ANLN: variants seen among roughly 807,000 people sequenced by gnomAD.
ANLN encodes anillin.
ANLN carries 59 observed loss-of-function variants against 135.1 expected under a neutral mutation model. The observed-to-expected ratio is 0.44, with a 90% CI of 0.35 to 0.54. The LOEUF (loss-of-function observed/expected upper bound fraction) is 0.54, where lower values mean the gene tolerates loss of function less well. Among genes scored for constraint, ANLN ranks in the 20% least tolerant of loss-of-function variants. ANLN has a pLI of 0.00. For missense variants in ANLN, 1,182 were observed against 1,340.0 expected (o/e 0.88, Z 1.84); for synonymous variants, 406 against 456.4 (o/e 0.89, Z 1.41).
intron 20 of ANLN, among the ~76,000 whole-genome samples, chr7:36,437,588 C>T (rs988560373): frequency 1.3e-5 from 2 of 151,760 alleles, no homozygotes; most frequent in Admixed American, 1.3e-4. Flanking sequence ...TTTATTTTTT[C>T]ATTTTTTTTT....
chr7:36,406,834 C>T (rs1787212674), intron 4 of ANLN, among the ~76,000 whole-genome samples: 1 of 152,136 alleles, frequency 6.6e-6, no homozygotes, highest in Admixed American at 6.5e-5. Flanking sequence ...GATAGAGCCT[C>T]TTCTTAGTCA....
intron 9 of ANLN, among the ~76,000 whole-genome samples, chr7:36,418,935 T>G (rs767481169): frequency 1.3e-5 from 2 of 152,034 alleles, no homozygotes; most frequent in African/African-American, 2.4e-5. Flanking sequence ...TTTTGTATTT[T>G]TAGTAGAGAC....
At chr7:36,404,966 C>T (rs1386971673) in intron 3 of ANLN, among the ~76,000 whole-genome samples, 4 of 152,270 alleles carry the variant, frequency 2.6e-5, no homozygotes, top group East Asian at 3.9e-4. Flanking sequence ...TTTTAGACAA[C>T]AGTTGACTGC....
At chr7:36,445,497 G>T (rs1788959763) in intron 22 of ANLN, among the ~76,000 whole-genome samples, 1 of 151,994 alleles carries the variant, frequency 6.6e-6, no homozygotes, top group South Asian at 2.1e-4. Context: ...TGTCTGGGGT[G>T]GTATGTGTAG....
intron 1 of ANLN, among the ~76,000 whole-genome samples, chr7:36,396,042 T>TA (rs1384595502): frequency 6.6e-6 from 1 of 152,228 alleles, no homozygotes; most frequent in Admixed American, 6.5e-5. Flanking sequence ...TTAAAAATCT[T>TA]ATATAACTAA....
At chr7:36,432,132 G>A (rs911225644) in intron 20 of ANLN, among the ~76,000 whole-genome samples, 3 of 152,190 alleles carry the variant, frequency 2.0e-5, no homozygotes, top group South Asian at 2.1e-4. Flanking sequence ...TGAGATGGGG[G>A]AATTGCTTGA....
At chr7:36,419,521 C>T in intron 10 of ANLN, 42 bp downstream of exon 10, 1 of 1,525,642 alleles carries the variant, frequency 6.6e-7, no homozygotes, top group Non-Finnish European at 9.0e-7. Context: ...CATAAGTAAA[C>T]TAAGTAGTAT....
At position 36,424,571 on chromosome 7, in the gene ANLN, T is replaced by G; in HGVS notation, c.2630T>G (p.Ile877Arg). The G allele has an allele frequency of 2.5e-6, 4 of 1,600,184 alleles. No homozygotes were observed. The highest frequency in any genetic ancestry group is 3.4e-6 in the Non-Finnish European group (4 of 1,172,330). ...TLQDVSNDFE[I>R]NIEVYSLVQK... Reference sequence around the variant, plus strand: ...CAAGATGTATCCAATGACTTTGAAATAAATATTGAAGTTTACAGCTTGGTA... The same window carrying G: ...CAAGATGTATCCAATGACTTTGAAAGAAATATTGAAGTTTACAGCTTGGTA... The change falls in exon 16 of 24, where the codon ATA becomes AGA. Residue 877 changes from isoleucine to arginine, a missense_variant. Ile to Arg is a moderately conservative substitution (Grantham distance 97, BLOSUM62 -3). Coordinates refer to ENST00000265748, the MANE Select transcript of ANLN (RefSeq NM_018685.5).
chr7:36,407,935 A>G lies in ANLN; in HGVS notation c.1075A>G (p.Lys359Glu). The change falls in exon 5 of 24, where the codon AAA (lysine) becomes GAA (glutamate). Residue 359 changes from lysine to glutamate, a missense_variant. Physicochemically the swap from Lys to Glu is moderately conservative, Grantham distance 56 (BLOSUM62 1). This residue lies in a region of ANLN where 1,022 missense variants were observed against 1,134.0 expected (regional missense o/e 0.90). Coordinates refer to ENST00000265748, the MANE Select transcript of ANLN (RefSeq NM_018685.5). Reference sequence around the variant, plus strand: ...AGAAATTTGTCTGCAATCTCAATCTAAAGACAAATCTACGACACCAGGTTA... The same window carrying G: ...AGAAATTTGTCTGCAATCTCAATCTGAAGACAAATCTACGACACCAGGTTA... ...SREICLQSQSKDKSTTPGGTG... is the reference protein window; with the variant it reads ...SREICLQSQSEDKSTTPGGTG... 1 of 1,613,284 alleles carries G rather than the reference A, an allele frequency of 6.2e-7. No homozygotes were observed.
rs1014335836 is a variant in ANLN at position 36,421,928 on chromosome 7, T to G, written c.2235T>G (p.Val745=). 1 of 1,613,834 alleles carries G rather than the reference T, an allele frequency of 6.2e-7. No homozygotes were observed. Among genetic ancestry groups the G allele is most frequent in the Non-Finnish European group, 8.5e-7 (1 of 1,179,842 alleles). The change falls in exon 13 of 24, where the codon GTT becomes GTG. Residue 745 remains valine (V), a synonymous_variant. Coordinates refer to ENST00000265748, the MANE Select transcript of ANLN (RefSeq NM_018685.5). ...CTAGCCAGGCTCTTAACTGCTGTGTTGATGAAGAACATGGAAAAGGGTCCC... is the reference window on the plus strand; with the variant it reads ...CTAGCCAGGCTCTTAACTGCTGTGTGGATGAAGAACATGGAAAAGGGTCCC... The part of the protein sequence containing the change: ...YQASQALNCC[V]DEEHGKGSLE...
intron 20 of ANLN, 78 bp downstream of exon 20, chr7:36,427,106 T>C (rs1788112058): frequency 1.2e-6 from 1 of 853,996 alleles, no homozygotes; most frequent in South Asian, 1.9e-5. Context: ...AATGCCACAA[T>C]GCTTTTAGGT....
At chr7:36,430,737 G>A (rs1001358015) in intron 20 of ANLN, among the ~76,000 whole-genome samples, 1 of 152,156 alleles carries the variant, frequency 6.6e-6, no homozygotes, top group African/African-American at 2.4e-5. Flanking sequence ...TTGGCCTTGT[G>A]TAATTATTAA....
chr7:36,436,757 G>A (rs1788564966), intron 20 of ANLN, among the ~76,000 whole-genome samples: 1 of 152,184 alleles, frequency 6.6e-6, no homozygotes, highest in African/African-American at 2.4e-5. Context: ...AAGACAAAAT[G>A]TGTATCTTTG....
Position 36,420,810 on chromosome 7 carries a change from CA to C in ANLN, c.2163+69del, listed in dbSNP as rs56075305. On this transcript the variant is annotated intron_variant, in intron 12 of 23. Coordinates refer to ENST00000265748, the MANE Select transcript of ANLN (RefSeq NM_018685.5). ...CACTAGGCTGTGAGCTCTGTGAGGA[CA>C]AAGGGCCCAGCCTTACTTATCTCTG... 0.24 allele frequency: 374,043 copies of C among 1,551,782 alleles called. 46,267 individuals carry two copies. Among genetic ancestry groups the C allele is most frequent in the East Asian group, 0.41 (18,120 of 44,430 alleles).
At chr7:36,427,638 G>A (rs1157420499) in intron 20 of ANLN, among the ~76,000 whole-genome samples, 1 of 152,156 alleles carries the variant, frequency 6.6e-6, no homozygotes, top group Admixed American at 6.5e-5. Flanking sequence ...ATAGGTGTGA[G>A]CCACCTTGCC....
At position 36,420,737 on chromosome 7, in the gene ANLN, A is replaced by G. The variant is rs764366653; in HGVS notation, c.2156A>G (p.Lys719Arg). ...CCTTGTCAAGTTAATATCAAACAGAAAATGCAGGTATGTACTTTTGTGGAA... is the reference window on the plus strand; with the variant it reads ...CCTTGTCAAGTTAATATCAAACAGAGAATGCAGGTATGTACTTTTGTGGAA... ...AFPCQVNIKQ[K>R]MQELNNEINM... Residue 719 changes from lysine (K) to arginine (R), a missense_variant, in exon 12 of 24, where the codon AAA (lysine) becomes AGA (arginine). Lys to Arg is a conservative substitution (Grantham distance 26). This residue lies in a region of ANLN where 1,022 missense variants were observed against 1,134.0 expected (regional missense o/e 0.90). Coordinates refer to ENST00000265748, the MANE Select transcript of ANLN (RefSeq NM_018685.5). 3.1e-6 allele frequency: 5 copies of G among 1,613,958 alleles called. No homozygotes were observed. Among genetic ancestry groups the G allele is most frequent in the Non-Finnish European group, 3.4e-6 (4 of 1,179,908 alleles).
intron 20 of ANLN, among the ~76,000 whole-genome samples, chr7:36,432,505 G>T (rs986038436): frequency 1.3e-5 from 2 of 152,112 alleles, no homozygotes; most frequent in African/African-American, 4.8e-5. Flanking sequence ...CATAAAAACT[G>T]TATTTTCAAT....
At chr7:36,448,884 T>C (rs949166850) in intron 22 of ANLN, 12 of 152,218 alleles carry the variant, frequency 7.9e-5, no homozygotes, top group African/African-American at 2.9e-4. Context: ...TGCTCATTGT[T>C]AATGGTTTTT....
At position 36,444,939 on chromosome 7, in the gene ANLN, T is replaced by G. The variant is rs138601308; in HGVS notation, c.3078+1077T>G. Among the ~76,000 whole-genome samples, 630 of 152,034 alleles carry G rather than the reference T, an allele frequency of 4.1e-3. 5 individuals are homozygous for G. The highest frequency in any genetic ancestry group is 0.015 in the African/African-American group (611 of 41,520). On this transcript the variant is annotated intron_variant, in intron 22 of 23. Transcript: ENST00000265748. ...TTACAATTATTAATATTTTAAAAAT[T>G]TGTGAAATGTTTGAGACATCCAAAA...
Sources: allele counts gnomAD v4.1 joint callset (sites outside exome capture counted in the v4.1 genomes callset), GRCh38; gene constraint gnomAD v4.1.1; regional missense constraint gnomAD v4.1.1; transcripts MANE v1.5; gene names NCBI Gene and HGNC (gene_info 2026-07-23, HGNC 2026-07-21).